DENND1A: variants seen among roughly 807,000 people sequenced by gnomAD.
DENND1A encodes DENN domain-containing protein 1A.
In DENND1A, 51 loss-of-function variants were observed where a neutral mutation model predicts 113.7. The ratio of observed to expected loss-of-function variants is 0.45; its 90% CI spans 0.36 to 0.57. DENND1A has a LOEUF of 0.57. DENND1A is among the 20% of genes least tolerant of loss of function. The pLI, the probability that DENND1A is intolerant of heterozygous loss-of-function variation, is 0.00. For synonymous variants in DENND1A, 565 were observed against 570.8 expected, an observed-to-expected ratio of 0.99 and a Z score of 0.14; for missense variants, 1,258 against 1,395.9, an observed-to-expected ratio of 0.90 and a Z score of 1.57.
intron 9 of DENND1A, among the ~76,000 whole-genome samples, chr9:123,650,587 G>C (rs1311226584): frequency 1.3e-5 from 2 of 152,036 alleles, no homozygotes; most frequent in Non-Finnish European, 2.9e-5. Flanking sequence ...AATTATTTAG[G>C]GGAAAGTAAA....
chr9:123,609,240 C>G (rs564465981), intron 11 of DENND1A, among the ~76,000 whole-genome samples, 196 bp downstream of exon 11: 2 of 152,298 alleles, frequency 1.3e-5, no homozygotes, highest in Non-Finnish European at 2.9e-5. Context: ...AGTCTCTCGG[C>G]AAAGTGGGAA....
intron 6 of DENND1A, among the ~76,000 whole-genome samples, chr9:123,675,013 A>G (rs896786675): frequency 2.0e-5 from 3 of 152,198 alleles, no homozygotes; most frequent in African/African-American, 7.2e-5. Flanking sequence ...TCAGAAATAG[A>G]TGAACAGACC....
intron 2 of DENND1A, among the ~76,000 whole-genome samples, chr9:123,878,021 C>T (rs1347818988): frequency 4.6e-5 from 7 of 151,276 alleles, no homozygotes; most frequent in Non-Finnish European, 8.8e-5. Flanking sequence ...CTGACCAACA[C>T]GGAGAAGCCC....
chr9:123,568,001 C>T (rs916404181), intron 12 of DENND1A, among the ~76,000 whole-genome samples: 1 of 152,170 alleles, frequency 6.6e-6, no homozygotes, highest in African/African-American at 2.4e-5. Context: ...CCAGTCACCA[C>T]CAGGAGTTCA....
At chr9:123,407,405 G>A (rs145463019) in intron 20 of DENND1A, among the ~76,000 whole-genome samples, 159 of 152,084 alleles carry the variant, frequency 1.0e-3, no homozygotes, top group African/African-American at 3.7e-3. Flanking sequence ...CACTCACAGA[G>A]GCACGCGCAA....
chr9:123,420,964 G>T (rs370619797), intron 19 of DENND1A, among the ~76,000 whole-genome samples: 1 of 151,324 alleles, frequency 6.6e-6, no homozygotes, highest in Non-Finnish European at 1.5e-5. Flanking sequence ...GGTGGCCGGA[G>T]GTCGGGCACC....
chr9:123,513,223 C>T (rs530794337), intron 13 of DENND1A, among the ~76,000 whole-genome samples: 2 of 152,338 alleles, frequency 1.3e-5, no homozygotes, highest in African/African-American at 4.8e-5. Flanking sequence ...GTTCACCCCA[C>T]ACCCACACGA....
At chr9:123,598,771 C>G (rs2059814796) in intron 11 of DENND1A, among the ~76,000 whole-genome samples, 1 of 152,172 alleles carries the variant, frequency 6.6e-6, no homozygotes, top group Non-Finnish European at 1.5e-5. Context: ...TAATTTAACC[C>G]ATTCGGTCAG....
At chr9:123,724,224 T>C (rs1476725788) in intron 5 of DENND1A, among the ~76,000 whole-genome samples, 2 of 152,062 alleles carry the variant, frequency 1.3e-5, no homozygotes, top group African/African-American at 2.4e-5. Flanking sequence ...AGAGCCACAA[T>C]AGAAAAGAAG....
At chr9:123,423,146 G>A (rs1197318647) in intron 19 of DENND1A, among the ~76,000 whole-genome samples, 1 of 152,206 alleles carries the variant, frequency 6.6e-6, no homozygotes, top group African/African-American at 2.4e-5. Flanking sequence ...CGGATGCCCG[G>A]TGGGGTTCAG....
At chr9:123,636,052 T>C (rs2061684051) in intron 9 of DENND1A, among the ~76,000 whole-genome samples, 1 of 152,250 alleles carries the variant, frequency 6.6e-6, no homozygotes, top group Admixed American at 6.5e-5. Flanking sequence ...CTTCTTCACC[T>C]GTACTAAGCC....
intron 2 of DENND1A, among the ~76,000 whole-genome samples, chr9:123,810,043 T>A (rs1275065387): frequency 6.6e-6 from 1 of 152,214 alleles, no homozygotes; most frequent in East Asian, 1.9e-4. Flanking sequence ...CGCTTCATTA[T>A]CTGGAGGGGT....
At chr9:123,606,999 C>T (rs1318204133) in intron 11 of DENND1A, among the ~76,000 whole-genome samples, 1 of 152,180 alleles carries the variant, frequency 6.6e-6, no homozygotes, top group Non-Finnish European at 1.5e-5. Flanking sequence ...CACAAGCTAA[C>T]ATGGGTCAGT....
chr9:123,505,291 T>C (rs1169550015), intron 13 of DENND1A, among the ~76,000 whole-genome samples: 1 of 152,258 alleles, frequency 6.6e-6, no homozygotes, highest in African/African-American at 2.4e-5. Flanking sequence ...CTTACTTACA[T>C]ACACAGGTTG....
intron 2 of DENND1A, chr9:123,843,210 T>C: frequency 1.9e-6 from 1 of 535,914 alleles, no homozygotes; most frequent in Non-Finnish European, 3.7e-6. Flanking sequence ...TCTAGTATTA[T>C]ATTTAGTAGT....
At chr9:123,453,959 A>G (rs2047922958) in intron 16 of DENND1A, among the ~76,000 whole-genome samples, 1 of 152,236 alleles carries the variant, frequency 6.6e-6, no homozygotes, top group South Asian at 2.1e-4. Flanking sequence ...GTGTTTGGCC[A>G]TACAAGAGGA....
chr9:123,386,800 GCCAAGCAGC>G (rs1488639116), intron 22 of DENND1A, among the ~76,000 whole-genome samples: 8 of 152,190 alleles, frequency 5.3e-5, no homozygotes, highest in African/African-American at 1.9e-4. Flanking sequence ...ATGACAGAGG[GCCAAGCAGC>G]CTGGGGTTTA....
chr9:123,384,029 A>ACTCTCCTGTCCC, intron 22 of DENND1A, 116 bp from the exon 23 acceptor site: 4 of 1,391,602 alleles, frequency 2.9e-6, no homozygotes, highest in Non-Finnish European at 2.9e-6. Flanking sequence ...CCTGCGGGAC[A>ACTCTCCTGTCCC]GGAGAGTGTC....
chr9:123,696,416 G>A (rs1038353255), intron 5 of DENND1A, among the ~76,000 whole-genome samples: 6 of 152,132 alleles, frequency 3.9e-5, no homozygotes, highest in Admixed American at 1.3e-4. Flanking sequence ...ACACATTATC[G>A]GAAGAGTTTT....
Sources: allele counts gnomAD v4.1 joint callset (sites outside exome capture counted in the v4.1 genomes callset), GRCh38; gene constraint gnomAD v4.1.1; transcripts MANE v1.5; gene names NCBI Gene and HGNC (gene_info 2026-07-23, HGNC 2026-07-21).